CHD9: variants seen among roughly 807,000 people sequenced by gnomAD.
The protein encoded by CHD9 is ATP-dependent chromatin remodeler CHD9.
Under a neutral mutation model 316.1 loss-of-function variants are expected in CHD9, and 77 were observed. The observed-to-expected ratio is 0.24, with a 90% CI of 0.20 to 0.29. The LOEUF is 0.29. Ranked by LOEUF, CHD9 falls within the 10% of genes least tolerant of loss-of-function variation. The pLI is 1.00. For missense variants in CHD9, 2,763 were observed against 3,438.1 expected (o/e 0.80, Z 4.91); for synonymous variants, 1,129 against 1,158.3 (o/e 0.97, Z 0.51).
rs746423734 is a variant in CHD9 at position 53,304,423 on chromosome 16, G to A, written c.6417G>A (p.Glu2139=). The A allele has an allele frequency of 3.1e-6, 5 of 1,602,832 alleles. No homozygotes were observed. In the Admixed American group the frequency reaches 8.6e-5, roughly 27 times the overall value. ...GTTCTGATTCTGACTCAGATTCTGA[G>A]AGATCATCTTGTTCTTCCAGATCAT... ...ESSSDSDSDS[E]RSSCSSRSSS... The change falls in exon 31 of 39, where the codon GAG becomes GAA. Residue 2139 remains glutamate, a synonymous_variant. Transcript: ENST00000447540.
At chr16:53,170,613 GT>G in intron 2 of CHD9, among the ~76,000 whole-genome samples, 1 of 150,264 alleles carries the variant, frequency 6.7e-6, no homozygotes, top group Non-Finnish European at 1.5e-5. Context: ...GTGTGTGTGT[GT>G]GTGTGTTGGA....
chr16:53,178,772 A>T (rs1188773419), intron 2 of CHD9, among the ~76,000 whole-genome samples: 2 of 152,038 alleles, frequency 1.3e-5, no homozygotes, highest in African/African-American at 4.8e-5. Flanking sequence ...CTTATTAAAT[A>T]CTTTTAAGAA....
chr16:53,212,530 C>G (rs1178691588), intron 3 of CHD9, among the ~76,000 whole-genome samples: 1 of 152,042 alleles, frequency 6.6e-6, no homozygotes. Context: ...GAAGACTAAT[C>G]TGAAGAAAAG....
intron 1 of CHD9, among the ~76,000 whole-genome samples, chr16:53,088,359 G>A (rs60702212): frequency 6.9e-6 from 1 of 144,470 alleles, no homozygotes; most frequent in South Asian, 2.2e-4. Context: ...CTCACTGCCA[G>A]CTCCGCCTCC....
At position 53,306,369 on chromosome 16, in the gene CHD9, A is replaced by G; in HGVS notation, c.6752A>G (p.Tyr2251Cys). Residue 2251 changes from tyrosine to cysteine, a missense_variant, in exon 32 of 39, where the codon TAT becomes TGT. Physicochemically the swap from Tyr to Cys is radical, Grantham distance 194 (BLOSUM62 -2). Transcript: ENST00000447540. ...TCTGCTTATATCTTACAAGGTGGAT[A>G]TATGCTGGCAGCCTCGTATTGGCCA... is the stretch of plus-strand genomic sequence containing the variant. Reference protein sequence around the residue: ...PESAYILQGGYMLAASYWPKD... With the variant: ...PESAYILQGGCMLAASYWPKD... 6.3e-7 allele frequency: 1 copy of G among 1,599,334 alleles called. No individual in the cohort carries two copies. The highest frequency in any genetic ancestry group is 8.5e-7 in the Non-Finnish European group (1 of 1,175,106).
At chr16:53,203,883 G>T (rs1008005831) in intron 2 of CHD9, among the ~76,000 whole-genome samples, 2 of 151,234 alleles carry the variant, frequency 1.3e-5, no homozygotes, top group Non-Finnish European at 3.0e-5. Context: ...AATTAGCCGG[G>T]CGTGGTGGCG....
chr16:53,284,920 C>A (rs1052737026), intron 24 of CHD9, among the ~76,000 whole-genome samples: 6 of 152,080 alleles, frequency 3.9e-5, no homozygotes, highest in African/African-American at 1.4e-4. Flanking sequence ...TGTGCACCAC[C>A]ACGCCCAGCT....
At chr16:53,285,565 T>C (rs2053802144) in intron 24 of CHD9, 31 bp from the exon 25 acceptor site, 1 of 1,401,258 alleles carries the variant, frequency 7.1e-7, no homozygotes, top group Non-Finnish European at 9.9e-7. Flanking sequence ...TTTATAATAA[T>C]TCATAATGCC....
chr16:53,169,626 A>G (rs1393442924), intron 2 of CHD9, among the ~76,000 whole-genome samples: 1 of 152,050 alleles, frequency 6.6e-6, no homozygotes, highest in African/African-American at 2.4e-5. Flanking sequence ...TTTTATTTCT[A>G]ATTTTTCTTT....
intron 2 of CHD9, among the ~76,000 whole-genome samples, chr16:53,166,712 G>C (rs1415358256): frequency 6.6e-6 from 1 of 152,156 alleles, no homozygotes; most frequent in African/African-American, 2.4e-5. Flanking sequence ...TGTGGATATA[G>C]TTAGGAAGCA....
intron 2 of CHD9, among the ~76,000 whole-genome samples, chr16:53,177,947 G>C (rs1347056546): frequency 6.6e-6 from 1 of 152,144 alleles, no homozygotes; most frequent in African/African-American, 2.4e-5. Context: ...GAACTTCTCA[G>C]GCTATGTATG....
Position 53,086,038 on chromosome 16 carries a change from G to A in CHD9, c.-165+30961G>A, listed in dbSNP as rs141471155. On this transcript the variant is annotated intron_variant, in intron 1 of 38. Coordinates refer to ENST00000447540, the MANE Select transcript of CHD9 (RefSeq NM_001308319.2). Reference sequence around the variant, plus strand: ...AGAGCTTTGGGGAGTTTATAGCAGAGAGCATTTGAGTTTGAAATAGGAGCT... The same window carrying A: ...AGAGCTTTGGGGAGTTTATAGCAGAAAGCATTTGAGTTTGAAATAGGAGCT... 2.1e-3 allele frequency among the ~76,000 whole-genome samples: 313 copies of A among 152,260 alleles called. 1 individual carries two copies. The highest frequency in any genetic ancestry group is 7.1e-3 in the African/African-American group (295 of 41,546).
chr16:53,260,823 G>A (rs553876270), intron 19 of CHD9, among the ~76,000 whole-genome samples: 2 of 152,204 alleles, frequency 1.3e-5, no homozygotes, highest in African/African-American at 4.8e-5. Context: ...CTCTTCTAGA[G>A]TCAAATCTCC....
At chr16:53,215,508 G>A (rs954488798) in intron 3 of CHD9, among the ~76,000 whole-genome samples, 1 of 152,082 alleles carries the variant, frequency 6.6e-6, no homozygotes, top group Non-Finnish European at 1.5e-5. Flanking sequence ...AACTTTAAAT[G>A]GGCATCATTT....
chr16:53,180,179 G>A (rs8059879), intron 2 of CHD9, among the ~76,000 whole-genome samples: 47,708 of 151,340 alleles, frequency 0.32, 7,701 homozygotes, highest in Middle Eastern at 0.39. Flanking sequence ...GCTAATTTTC[G>A]TATTTTTAGT....
chr16:53,183,560 A>G (rs1038504041), intron 2 of CHD9, among the ~76,000 whole-genome samples: 9 of 152,220 alleles, frequency 5.9e-5, no homozygotes, highest in African/African-American at 2.2e-4. Context: ...ATGTTATATA[A>G]TTAAACATTA....
intron 24 of CHD9, among the ~76,000 whole-genome samples, chr16:53,279,690 TA>T (rs1338463825): frequency 6.6e-6 from 1 of 151,994 alleles, no homozygotes. Flanking sequence ...TTAATTAAAC[TA>T]AAGAGCTTTT....
intron 3 of CHD9, among the ~76,000 whole-genome samples, chr16:53,212,376 G>C (rs1034497299): frequency 2.6e-5 from 4 of 150,986 alleles, no homozygotes; most frequent in Non-Finnish European, 5.9e-5. Flanking sequence ...CTGCACTCCA[G>C]CCTGGCTGAC....
rs1385159240 is a variant in CHD9, at chr16:53,208,106, T to G, written c.1453-1376T>G. ...CAGCTTTTTAGGAGTGTTTACAGCC[T>G]TTTTCATACCTAAATAGGATGAACA... On this transcript the variant is annotated intron_variant, in intron 2 of 38. Coordinates refer to ENST00000447540, the MANE Select transcript of CHD9 (RefSeq NM_001308319.2). 5.8e-6 allele frequency: 6 copies of G among 1,026,142 alleles called. No individual in the cohort carries two copies. In the African/African-American group the frequency reaches 8.6e-5, roughly 15 times the overall value. 63.6% of individuals were successfully genotyped at this position (1,026,142 alleles called of 1,614,324 possible).
Sources: gnomAD v4.1 joint callset for allele counts (sites outside exome capture counted in the v4.1 genomes callset) on GRCh38, gnomAD v4.1.1 for gene constraint, MANE v1.5 for transcripts, NCBI Gene and HGNC (gene_info 2026-07-23, HGNC 2026-07-21) for gene names.